TJP3: variants seen among roughly 807,000 people sequenced by gnomAD.
TJP3 encodes the protein tight junction protein 3.
In TJP3, 85 loss-of-function variants were observed where a neutral mutation model predicts 104.2. The observed-to-expected ratio is 0.82, with a 90% CI of 0.68 to 0.98. The LOEUF is 0.98. TJP3 is among the 50% of genes least tolerant of loss of function. TJP3 has a pLI of 0.00. For missense variants in TJP3, 1,367 were observed against 1,322.8 expected (o/e 1.03, Z -0.52); for synonymous variants, 550 against 550.6 (o/e 1.00, Z 0.02).
intron 7 of TJP3, 56 bp from the exon 8 acceptor site, chr19:3,734,271 T>C: frequency 1.9e-6 from 3 of 1,563,402 alleles, no homozygotes; most frequent in Non-Finnish European, 2.6e-6. Flanking sequence ...CTCTGTAAAA[T>C]GGGTCCAGTC....
chr19:3,709,194 C>A (rs963855508), intron 1 of TJP3, among the ~76,000 whole-genome samples: 2 of 152,048 alleles, frequency 1.3e-5, no homozygotes, highest in Non-Finnish European at 2.9e-5. Flanking sequence ...TGGCTCACTG[C>A]AACCTCTGCC....
intron 6 of TJP3, among the ~76,000 whole-genome samples, chr19:3,732,555 G>C (rs889709533): frequency 2.0e-5 from 3 of 151,580 alleles, no homozygotes; most frequent in Non-Finnish European, 4.4e-5. Context: ...TGTCACCCAG[G>C]CTGGAGTGCA....
chr19:3,732,023 A>T lies in TJP3; in HGVS notation c.702A>T (p.Gly234=). The T allele has an allele frequency of 6.2e-7, 1 of 1,612,768 alleles. No individual in the cohort carries two copies. The highest frequency in any genetic ancestry group is 8.5e-7 in the Non-Finnish European group (1 of 1,179,678). ...LAARHRGLQE[G]DLILQINGVS... ...CCCGGCACCGTGGGCTGCAGGAAGG[A>T]GATCTCATTCTACAGGTGAGGCCGG... The change falls in exon 6 of 21, where the codon GGA becomes GGT. Residue 234 remains glycine (G), a synonymous_variant. Transcript: ENST00000541714.
At chr19:3,747,748 G>A in intron 18 of TJP3, 46 bp from the exon 19 acceptor site, 2 of 1,487,256 alleles carry the variant, frequency 1.3e-6, no homozygotes, top group Non-Finnish European at 1.8e-6. Context: ...GGTGGCAGCT[G>A]GGGTCCTGGC....
At position 3,708,425 on chromosome 19, in the gene TJP3, A is replaced by G. The variant is rs2036405064; in HGVS notation, c.-146A>G. 4 of 152,150 alleles carry G rather than the reference A, an allele frequency of 2.6e-5. No individual in the cohort carries two copies. Among genetic ancestry groups the G allele is most frequent in the Admixed American group, 2.6e-4 (4 of 15,270 alleles). The allele number at this position is 152,150 out of a possible 1,614,324, so 9.4% of individuals were successfully genotyped here. The stretch of plus-strand genomic sequence containing the variant: ...GACCTGCCTCCCTGTTGCCACCACA[A>G]GAGAGGAAAAGTTGGTCAAACAGGT... On this transcript the variant is annotated 5_prime_UTR_variant, in exon 1 of 21. Coordinates refer to ENST00000541714, the MANE Select transcript of TJP3 (RefSeq NM_001267560.2).
chr19:3,712,874 A>C (rs1332434456), intron 1 of TJP3, among the ~76,000 whole-genome samples: 2 of 151,572 alleles, frequency 1.3e-5, no homozygotes, highest in Non-Finnish European at 2.9e-5. Context: ...GCTTGAGCCC[A>C]GGAAAGTGGA....
chr19:3,724,575 C>T (rs753867582), intron 1 of TJP3, among the ~76,000 whole-genome samples: 9 of 152,068 alleles, frequency 5.9e-5, no homozygotes, highest in South Asian at 2.1e-4. Flanking sequence ...CTTGCTCTGT[C>T]GCCCAGGCTG....
In TJP3 at chr19:3,744,003, T is replaced by A. The variant is rs781679190; in HGVS notation, c.1908T>A (p.Thr636=). 5.6e-6 allele frequency: 9 copies of A among 1,614,138 alleles called. No homozygotes were observed. The highest frequency in any genetic ancestry group is 3.3e-5 in the Admixed American group (2 of 60,010). Residue 636 remains threonine (T), a synonymous_variant, in exon 15 of 21, where the codon ACT becomes ACA. Coordinates refer to ENST00000541714, the MANE Select transcript of TJP3 (RefSeq NM_001267560.2). ...PVADIAMQKL[T]AEMPDQFEIA... Reference sequence around the variant, plus strand: ...CCGACATTGCTATGCAGAAGTTGACTGCTGAGATGCCTGACCAGTTTGAAA... The same window carrying A: ...CCGACATTGCTATGCAGAAGTTGACAGCTGAGATGCCTGACCAGTTTGAAA...
chr19:3,714,890 T>C (rs748717759), intron 1 of TJP3, among the ~76,000 whole-genome samples: 1 of 152,218 alleles, frequency 6.6e-6, no homozygotes, highest in Non-Finnish European at 1.5e-5. Flanking sequence ...TGAACGCTGG[T>C]TCCCAATCAC....
In TJP3 at chr19:3,739,047, G is replaced by A. The variant is rs1247656114; in HGVS notation, c.1544G>A (p.Ser515Asn). ...ACGCTGCACCCCGGCCCCGGGCAGA[G>A]CCACGCACGAGGAGGCCACTGGCTG... is the stretch of plus-strand genomic sequence containing the variant. ...LDTLHPGPGQ[S>N]HARGGHWLAV... The change falls in exon 13 of 21, where the codon AGC becomes AAC. Residue 515 changes from serine to asparagine, a missense_variant. Coordinates refer to ENST00000541714, the MANE Select transcript of TJP3 (RefSeq NM_001267560.2). 1 of 1,610,668 alleles carries A rather than the reference G, an allele frequency of 6.2e-7. No homozygotes were observed. The highest frequency in any genetic ancestry group is 8.5e-7 in the Non-Finnish European group (1 of 1,178,410).
At position 3,736,372 on chromosome 19, in the gene TJP3, C is replaced by CTAGG. The variant is rs2036740660; in HGVS notation, c.1284+53_1284+56dup. On this transcript the variant is annotated intron_variant, in intron 11 of 20. Transcript: ENST00000541714. ...CCACTGATCATGGGCGTGCAGTGTG[C>CTAGG]TAGGTCCTGCCCTTGTCTGTTCCAG... 4 of 1,463,176 alleles carry CTAGG rather than the reference C, an allele frequency of 2.7e-6. No individual in the cohort carries two copies. In the South Asian group the frequency reaches 5.7e-5, roughly 21 times the overall value. 90.6% of individuals were successfully genotyped at this position (1,463,176 alleles called of 1,614,324 possible).
intron 1 of TJP3, chr19:3,721,618 C>A: frequency 3.4e-6 from 1 of 289,986 alleles, no homozygotes; most frequent in Non-Finnish European, 6.4e-6. Context: ...GGAGTTTCCG[C>A]CTCAGGACCT....
chr19:3,720,349 G>A (rs925265713), intron 1 of TJP3, among the ~76,000 whole-genome samples: 2 of 152,154 alleles, frequency 1.3e-5, no homozygotes, highest in African/African-American at 4.8e-5. Flanking sequence ...TGTCATCTTC[G>A]GGGACCCTCT....
chr19:3,715,977 C>T (rs965078918), intron 1 of TJP3, among the ~76,000 whole-genome samples: 1 of 151,868 alleles, frequency 6.6e-6, no homozygotes, highest in Non-Finnish European at 1.5e-5. Context: ...TGGGGTTTCC[C>T]CATGTTGGCC....
chr19:3,733,911 G>C lies in TJP3; in HGVS notation c.876G>C (p.Glu292Asp). 6.2e-7 allele frequency: 1 copy of C among 1,613,852 alleles called. No homozygotes were observed. The highest frequency in any genetic ancestry group is 1.1e-5 in the South Asian group (1 of 91,076). The change falls in exon 7 of 21, where the codon GAG (glutamate) becomes GAC (aspartate). Residue 292 changes from glutamate to aspartate, a missense_variant and splice_region_variant. By Grantham distance (45) the Glu-to-Asp change is conservative (BLOSUM62 2). Transcript: ENST00000541714. ...GTGACAGCGACAGCTCGCCATTGGAGGGTGAGGACCTAGAGGTTAGGACCT... is the reference window on the plus strand; with the variant it reads ...GTGACAGCGACAGCTCGCCATTGGACGGTGAGGACCTAGAGGTTAGGACCT... ...AVSDSDSSPLEDISDLASELS... is the reference protein window; with the variant it reads ...AVSDSDSSPLDDISDLASELS...
At position 3,750,630 on chromosome 19, in the gene TJP3, T is replaced by C. The variant is rs1328960289; in HGVS notation, c.2706T>C (p.Asp902=). The C allele has an allele frequency of 6.8e-6, 11 of 1,609,062 alleles. No homozygotes were observed. The East Asian group carries it at 1.3e-4, about 20-fold the overall frequency. ...ALKKKFMRVH[D]AESSDEDGYD... ...AGAAAAAGTTTATGCGAGTACATGA[T>C]GCGGAGTCCTCCGATGAAGACGGCT... The change falls in exon 21 of 21, where the codon GAT becomes GAC. Residue 902 remains aspartate (D), a synonymous_variant. Transcript: ENST00000541714.
intron 1 of TJP3, among the ~76,000 whole-genome samples, chr19:3,727,709 C>T (rs138771582): frequency 0.027 from 4,121 of 152,056 alleles, 74 homozygotes; most frequent in Middle Eastern, 0.11. Flanking sequence ...CCAGCCTGGC[C>T]AACATGGTGA....
At chr19:3,750,258 G>GT in intron 20 of TJP3, 74 bp downstream of exon 20, 1 of 1,596,114 alleles carries the variant, frequency 6.3e-7, no homozygotes, top group African/African-American at 1.3e-5. Context: ...CTCAGATCTA[G>GT]ATCCAAGCTA....
At position 3,730,451 on chromosome 19, in the gene TJP3, C is replaced by A. The variant is rs368698612; in HGVS notation, c.358C>A (p.Arg120=). 2.5e-6 allele frequency: 4 copies of A among 1,587,768 alleles called. No homozygotes were observed. The highest frequency in any genetic ancestry group is 4.6e-5 in the East Asian group (2 of 43,750). Residue 120 remains arginine (R), a synonymous_variant, in exon 5 of 21, where the codon CGG becomes AGG. Coordinates refer to ENST00000541714, the MANE Select transcript of TJP3 (RefSeq NM_001267560.2). The surrounding 1 kb of genome is among the most constrained non-coding windows in gnomAD (Gnocchi z 7.3). The part of the protein sequence containing the change: ...QDSDEDDGPQ[R]VEEVDQGRGY... ...CTCGGATGAAGACGATGGGCCCCAG[C>A]GGGTGGAGGAGGTGGACCAGGGCCG... is the stretch of plus-strand genomic sequence containing the variant.
Sources: allele counts gnomAD v4.1 joint callset (sites outside exome capture counted in the v4.1 genomes callset), GRCh38; gene constraint gnomAD v4.1.1; non-coding constraint Gnocchi (gnomAD v3.1); transcripts MANE v1.5; gene names NCBI Gene and HGNC (gene_info 2026-07-23, HGNC 2026-07-21).